KCTD1: variants seen among roughly 807,000 people sequenced by gnomAD.
KCTD1 encodes the protein BTB/POZ domain-containing protein KCTD1.
A neutral mutation model predicts 66.0 loss-of-function variants in KCTD1; 24 were observed. The observed-to-expected ratio is 0.36, with a 90% CI of 0.26 to 0.51. The LOEUF is 0.51. KCTD1 is among the 20% of genes least tolerant of loss of function. KCTD1 has a pLI of 0.95. For synonymous variants in KCTD1, 511 were observed against 517.2 expected (o/e 0.99, Z 0.16); for missense variants, 943 against 1,205.2 (o/e 0.78, Z 3.22).
chr18:26,506,542 G>A (rs76823332), intron 1 of KCTD1, among the ~76,000 whole-genome samples: 3,231 of 152,258 alleles, frequency 0.021, 117 homozygotes, highest in African/African-American at 0.073. Flanking sequence ...ATATAGCGTC[G>A]CAACCACTTA....
chr18:26,581,409 C>T (rs1363263254), intron 1 of KCTD1: 1 of 152,120 alleles, frequency 6.6e-6, no homozygotes, highest in Non-Finnish European at 1.5e-5. Context: ...AGGCACACAC[C>T]ATCATGCCTG....
At chr18:26,643,674 G>T (rs1024835615), upstream of KCTD1, among the ~76,000 whole-genome samples, 1 of 152,202 alleles carries the variant, frequency 6.6e-6, no homozygotes, top group African/African-American at 2.4e-5. Context: ...ATATCAAGGG[G>T]CCTGCTGGCC....
At chr18:26,616,230 A>C (rs1408604741) in intron 1 of KCTD1, among the ~76,000 whole-genome samples, 1 of 149,452 alleles carries the variant, frequency 6.7e-6, no homozygotes, top group Non-Finnish European at 1.5e-5. Flanking sequence ...GCTCATCATC[A>C]TGGGTCTGTG....
chr18:26,623,065 G>A (rs919434648), intron 1 of KCTD1, among the ~76,000 whole-genome samples: 1 of 145,582 alleles, frequency 6.9e-6, no homozygotes, highest in Admixed American at 6.7e-5. Context: ...CATTTTTAAT[G>A]TCTGGTCTCG....
chr18:26,546,702 T>C (rs1476593789), intron 1 of KCTD1, 26 bp downstream of exon 1: 3 of 1,528,878 alleles, frequency 2.0e-6, no homozygotes, highest in East Asian at 4.9e-5. Flanking sequence ...AAGAAACATT[T>C]CATGCATAGA....
chr18:26,525,196 T>C (rs1028400495), intron 1 of KCTD1, among the ~76,000 whole-genome samples: 21 of 152,248 alleles, frequency 1.4e-4, no homozygotes, highest in African/African-American at 4.1e-4. Flanking sequence ...CAGAAGGCCT[T>C]AGGGGTTAGC....
chr18:26,591,762 G>A (rs527638500), intron 1 of KCTD1, among the ~76,000 whole-genome samples: 4 of 152,104 alleles, frequency 2.6e-5, no homozygotes, highest in East Asian at 1.9e-4. Context: ...TATCTAATTC[G>A]AACCACCGAA....
chr18:26,589,918 C>T (rs766697236), intron 1 of KCTD1, among the ~76,000 whole-genome samples: 1 of 152,256 alleles, frequency 6.6e-6, no homozygotes, highest in Non-Finnish European at 1.5e-5. Flanking sequence ...GTCATAACTA[C>T]ATGTGATACC....
At chr18:26,629,741 A>G (rs1324047988), upstream of KCTD1, among the ~76,000 whole-genome samples, 1 of 143,978 alleles carries the variant, frequency 6.9e-6, no homozygotes, top group African/African-American at 2.6e-5. Flanking sequence ...TTTTTTTGAC[A>G]GAATCTTGCT....
At chr18:26,556,163 C>T (rs1985702372) in intron 1 of KCTD1, among the ~76,000 whole-genome samples, 1 of 152,128 alleles carries the variant, frequency 6.6e-6, no homozygotes, top group African/African-American at 2.4e-5. Context: ...TTTAAAGAAG[C>T]CCTGGGATGG....
intron 1 of KCTD1, among the ~76,000 whole-genome samples, chr18:26,597,072 A>G (rs967685817): frequency 6.7e-6 from 1 of 149,254 alleles, no homozygotes; most frequent in African/African-American, 2.5e-5. Context: ...TAAAGAGAAT[A>G]TATGTGTAGG....
intron 4 of KCTD1, 27 bp from the exon 5 acceptor site, chr18:26,455,928 G>C (rs778957406): frequency 2.6e-5 from 42 of 1,607,336 alleles, no homozygotes; most frequent in Non-Finnish European, 3.5e-5. Context: ...CAAGCATCCA[G>C]TTAGGGGTGA....
chr18:26,571,686 G>A (rs1000939209), intron 1 of KCTD1, among the ~76,000 whole-genome samples: 3 of 152,032 alleles, frequency 2.0e-5, no homozygotes, highest in Non-Finnish European at 4.4e-5. Flanking sequence ...ATCTAAGAAT[G>A]TGGAACTTAC....
intron 2 of KCTD1, among the ~76,000 whole-genome samples, chr18:26,489,478 G>T (rs922690374): frequency 1.3e-5 from 2 of 152,166 alleles, no homozygotes; most frequent in Admixed American, 6.5e-5. Flanking sequence ...TGAACTTCCA[G>T]CTTCAAGCAA....
rs558560510 is a variant in KCTD1 at position 26,472,636 on chromosome 18, T to C, written c.2133+3879A>G. On this transcript the variant is annotated intron_variant, in intron 3 of 4. Transcript: ENST00000580059. Reference sequence around the variant, plus strand: ...TTTGGCCCTTCTCTCTACATGAGCTTACTTACTCCCTAAAGTGGGAAAGGG... The same window carrying C: ...TTTGGCCCTTCTCTCTACATGAGCTCACTTACTCCCTAAAGTGGGAAAGGG... Among the ~76,000 whole-genome samples the C allele has an allele frequency of 8.4e-4, 128 of 152,006 alleles. 1 individual carries two copies. The highest frequency in any genetic ancestry group is 2.9e-3 in the African/African-American group (122 of 41,562).
At chr18:26,615,122 C>T (rs1303201972) in intron 1 of KCTD1, among the ~76,000 whole-genome samples, 2 of 152,112 alleles carry the variant, frequency 1.3e-5, no homozygotes, top group Non-Finnish European at 2.9e-5. Context: ...GGCAGGGAAA[C>T]GTTATGGGCT....
At chr18:26,636,396 T>A (rs990477368) in intron 1 of KCTD1, among the ~76,000 whole-genome samples, 1 of 152,156 alleles carries the variant, frequency 6.6e-6, no homozygotes, top group African/African-American at 2.4e-5. Context: ...GCTGGGACCC[T>A]GTGCCTCTCA....
chr18:26,515,884 G>A (rs1191881191), intron 1 of KCTD1, among the ~76,000 whole-genome samples: 1 of 152,168 alleles, frequency 6.6e-6, no homozygotes, highest in Non-Finnish European at 1.5e-5. Flanking sequence ...GAAGTGAAAT[G>A]GGCGGCAGAA....
At chr18:26,513,890 A>C (rs1983486081) in intron 1 of KCTD1, among the ~76,000 whole-genome samples, 1 of 152,248 alleles carries the variant, frequency 6.6e-6, no homozygotes, top group East Asian at 1.9e-4. Flanking sequence ...ACCCAGGGAG[A>C]TTCCTTAACA....
Sources: allele counts gnomAD v4.1 joint callset (sites outside exome capture counted in the v4.1 genomes callset), GRCh38; gene constraint gnomAD v4.1.1; transcripts MANE v1.5; gene names NCBI Gene and HGNC (gene_info 2026-07-23, HGNC 2026-07-21).